Variants in XPO4 observed in about 807,000 individuals in gnomAD.
XPO4 encodes exportin 4, also known as exportin-4.
Under a neutral mutation model 143.0 loss-of-function variants are expected in XPO4, and 39 were observed. The observed-to-expected ratio is 0.27, with a 90% CI of 0.21 to 0.36. The LOEUF is 0.36. Among genes scored for constraint, XPO4 ranks in the 10% least tolerant of loss-of-function variants. XPO4 has a pLI of 1.00. For missense variants in XPO4, 907 were observed against 1,348.0 expected, an observed-to-expected ratio of 0.67 and a Z score of 5.12; for synonymous variants, 439 against 474.0, an observed-to-expected ratio of 0.93 and a Z score of 0.96.
chr13:20,838,058 C>T (rs539121633), intron 6 of XPO4, among the ~76,000 whole-genome samples: 61 of 152,054 alleles, frequency 4.0e-4, no homozygotes, highest in Non-Finnish European at 6.6e-4. Flanking sequence ...GGATTAAAAG[C>T]GTGAGCCACT....
Position 20,879,150 on chromosome 13 carries a change from A to G in XPO4, c.70-10449T>C, listed in dbSNP as rs2060382269. The G allele has an allele frequency of 3.0e-6, 3 of 985,320 alleles. No homozygotes were observed. In the Admixed American group the frequency reaches 1.8e-4, roughly 61 times the overall value. The allele number at this position is 985,320 out of a possible 1,614,324, so 61.0% of individuals were successfully genotyped here. A position where few individuals can be genotyped will look rare whatever the true frequency, so the allele number is the denominator to read the frequency against. ...AGTGACCCTGAACTTCCATTTTGAC[A>G]GCTGCCTAGCATAAAGAAGACAGGA... On this transcript the variant is annotated intron_variant, in intron 1 of 22. Transcript: ENST00000255305.
At chr13:20,799,048 A>T in intron 16 of XPO4, 117 bp downstream of exon 16, 1 of 1,048,752 alleles carries the variant, frequency 9.5e-7, no homozygotes, top group Non-Finnish European at 1.3e-6. Flanking sequence ...AAAGAAAGAA[A>T]GAAAGAAAAG....
intron 6 of XPO4, among the ~76,000 whole-genome samples, chr13:20,836,040 G>A (rs993041594): frequency 6.6e-6 from 1 of 152,074 alleles, no homozygotes. Context: ...CCAACTGACC[G>A]TTTATGTTAT....
chr13:20,878,234 T>C (rs941464827), intron 1 of XPO4, among the ~76,000 whole-genome samples: 2 of 152,050 alleles, frequency 1.3e-5, no homozygotes, highest in Non-Finnish European at 2.9e-5. Flanking sequence ...CTAATGGTAA[T>C]ATAAAATGGA....
chr13:20,848,826 A>G, intron 4 of XPO4: 1 of 985,332 alleles, frequency 1.0e-6, no homozygotes, highest in Non-Finnish European at 1.2e-6. Context: ...GACAATTTTA[A>G]TATGTCAAAC....
chr13:20,841,777 G>C (rs941511729), intron 6 of XPO4, among the ~76,000 whole-genome samples: 10 of 151,818 alleles, frequency 6.6e-5, no homozygotes, highest in African/African-American at 2.2e-4. Context: ...GCGAGTTTCT[G>C]TATATGTAAA....
intron 1 of XPO4, among the ~76,000 whole-genome samples, chr13:20,899,381 G>A (rs192470819): frequency 5.9e-5 from 9 of 152,098 alleles, no homozygotes; most frequent in Admixed American, 2.0e-4. Flanking sequence ...GTTTTGAAAG[G>A]GGAGTCTGGT....
At position 20,822,159 on chromosome 13, in the gene XPO4, A is replaced by G. The variant is rs1342291103; in HGVS notation, c.971T>C (p.Ile324Thr). 6.2e-7 allele frequency: 1 copy of G among 1,613,494 alleles called. No individual in the cohort carries two copies. The highest frequency in any genetic ancestry group is 1.1e-5 in the South Asian group (1 of 90,916). ...ATTGATAGTATTCAGTAATCCCTCA[A>G]TGAAGTGTGCTAGATAATCAACTTG... ...GSQVDYLAHF[I>T]EGLLNTINGI... Residue 324 changes from isoleucine to threonine, a missense_variant, in exon 8 of 23, where the codon ATT (isoleucine) becomes ACT (threonine). By Grantham distance (89) the Ile-to-Thr change is moderately conservative. Coordinates refer to ENST00000255305, the MANE Select transcript of XPO4 (RefSeq NM_022459.5).
At chr13:20,826,547 G>A (rs975602296) in intron 7 of XPO4, among the ~76,000 whole-genome samples, 4 of 152,332 alleles carry the variant, frequency 2.6e-5, no homozygotes, top group Admixed American at 2.6e-4. Flanking sequence ...GCAACTAACT[G>A]AAGGCAGAAG....
At chr13:20,876,093 C>CAAAAAAA (rs11301411) in intron 1 of XPO4, among the ~76,000 whole-genome samples, 377 of 90,284 alleles carry the variant, frequency 4.2e-3, no homozygotes, top group Middle Eastern at 0.013. Flanking sequence ...CTACTAAATA[C>CAAAAAAA]AAAAAAAAAA....
At chr13:20,872,366 C>A (rs1402072935) in intron 1 of XPO4, among the ~76,000 whole-genome samples, 1 of 152,142 alleles carries the variant, frequency 6.6e-6, no homozygotes. Flanking sequence ...TCTCTATTAC[C>A]CAACTTAGCA....
Position 20,819,477 on chromosome 13 carries a change from T to C in XPO4, c.1173+2227A>G, listed in dbSNP as rs188180927. Among the ~76,000 whole-genome samples, 251 of 152,170 alleles carry C rather than the reference T, an allele frequency of 1.6e-3. 2 individuals are homozygous for C. In the East Asian group the frequency reaches 0.029, roughly 18 times the overall value. Reference sequence around the variant, plus strand: ...GAGTTTGAGACCAGCCTGGCCAACATGGTGAAACCCCGTCTCTACTAAAAA... The same window carrying C: ...GAGTTTGAGACCAGCCTGGCCAACACGGTGAAACCCCGTCTCTACTAAAAA... On this transcript the variant is annotated intron_variant, in intron 9 of 22. Transcript: ENST00000255305.
intron 1 of XPO4, among the ~76,000 whole-genome samples, chr13:20,881,430 A>G (rs1416584395): frequency 6.6e-6 from 1 of 151,922 alleles, no homozygotes; most frequent in Non-Finnish European, 1.5e-5. Context: ...CACCATGCCC[A>G]GCTAATTTTT....
At chr13:20,902,519 T>C (rs2060631401) in intron 1 of XPO4, 151 bp downstream of exon 1, 4 of 1,331,410 alleles carry the variant, frequency 3.0e-6, no homozygotes, top group Non-Finnish European at 3.8e-6. Flanking sequence ...GGCTGAAGAA[T>C]CCTGCGCCAC....
intron 1 of XPO4, among the ~76,000 whole-genome samples, chr13:20,871,288 G>A (rs1164269771): frequency 6.6e-6 from 1 of 152,050 alleles, no homozygotes; most frequent in African/African-American, 2.4e-5. Context: ...CCAAAGTGCT[G>A]GGATCACAGG....
intron 4 of XPO4, among the ~76,000 whole-genome samples, chr13:20,846,575 C>G (rs920719411): frequency 4.6e-5 from 7 of 152,172 alleles, no homozygotes; most frequent in African/African-American, 1.7e-4. Context: ...GAACAAAATG[C>G]ACTTATAGAC....
At chr13:20,787,641 G>T in intron 20 of XPO4, 43 bp from the exon 21 acceptor site, 1 of 1,535,434 alleles carries the variant, frequency 6.5e-7, no homozygotes, top group Non-Finnish European at 9.0e-7. Context: ...GGATATATTC[G>T]ATTTATAAAA....
At chr13:20,900,484 T>A (rs146961807) in intron 1 of XPO4, among the ~76,000 whole-genome samples, 11 of 152,248 alleles carry the variant, frequency 7.2e-5, no homozygotes, top group African/African-American at 2.7e-4. Context: ...CAACATAGTA[T>A]GTACTCAATA....
chr13:20,893,882 TG>T (rs1000008065), intron 1 of XPO4, among the ~76,000 whole-genome samples: 2 of 152,178 alleles, frequency 1.3e-5, no homozygotes, highest in African/African-American at 4.8e-5. Context: ...TCGCTCTTGT[TG>T]CCCAGGCTGG....
Sources: gnomAD v4.1 joint callset for allele counts (sites outside exome capture counted in the v4.1 genomes callset) on GRCh38, gnomAD v4.1.1 for gene constraint, MANE v1.5 for transcripts, NCBI Gene and HGNC (gene_info 2026-07-23, HGNC 2026-07-21) for gene names.